The following KYNU variants were observed in gnomAD, a reference collection of about 807,000 sequenced individuals.
KYNU encodes L-kynurenine hydrolase.
Under a neutral mutation model 59.2 loss-of-function variants are expected in KYNU, and 54 were observed. The observed-to-expected ratio is 0.91, with a 90% CI of 0.73 to 1.14. The LOEUF is 1.14. Among genes scored for constraint, KYNU ranks in the 50% most tolerant of loss-of-function variants. KYNU has a pLI of 0.00. For missense variants in KYNU, 567 were observed against 554.4 expected (o/e 1.02, Z -0.23); for synonymous variants, 177 against 192.0 (o/e 0.92, Z 0.65).
chr2:143,033,522 C>T (rs1270605594), intron 12 of KYNU, among the ~76,000 whole-genome samples: 2 of 152,184 alleles, frequency 1.3e-5, no homozygotes, highest in Non-Finnish European at 2.9e-5. Flanking sequence ...CAGCCCCCAG[C>T]ACAATGCTTG....
chr2:142,942,310 A>T (rs1683630399), intron 4 of KYNU, among the ~76,000 whole-genome samples: 2 of 152,198 alleles, frequency 1.3e-5, no homozygotes, highest in Non-Finnish European at 2.9e-5. Context: ...GTTCTGAGAA[A>T]AATTTGATCA....
At chr2:142,895,593 A>C (rs565174446) in intron 2 of KYNU, among the ~76,000 whole-genome samples, 7 of 152,230 alleles carry the variant, frequency 4.6e-5, no homozygotes, top group Non-Finnish European at 1.0e-4. Context: ...ATTCATGTAC[A>C]GGATTTTGTG....
At chr2:142,962,749 C>T (rs139132848) in intron 8 of KYNU, among the ~76,000 whole-genome samples, 370 of 152,260 alleles carry the variant, frequency 2.4e-3, no homozygotes, top group African/African-American at 8.6e-3. Flanking sequence ...GGGGATATAG[C>T]AGATGTAGAT....
intron 2 of KYNU, among the ~76,000 whole-genome samples, chr2:142,908,297 AT>A (rs1369933034): frequency 1.3e-5 from 2 of 152,206 alleles, no homozygotes; most frequent in African/African-American, 4.8e-5. Context: ...ATTTTAAAAT[AT>A]TTAAAATGAA....
chr2:142,993,417 C>A (rs905089433), intron 10 of KYNU, among the ~76,000 whole-genome samples: 1 of 151,966 alleles, frequency 6.6e-6, no homozygotes, highest in Non-Finnish European at 1.5e-5. Context: ...GCTCTCCCTT[C>A]GCTCTGGGAA....
chr2:142,985,909 TTAAG>T (rs1406536319), intron 9 of KYNU, 35 bp from the exon 10 acceptor site: 1 of 1,379,284 alleles, frequency 7.3e-7, no homozygotes, highest in African/African-American at 1.4e-5. Flanking sequence ...TGTCATATAT[TTAAG>T]TAAACCCACA....
intron 12 of KYNU, among the ~76,000 whole-genome samples, chr2:143,039,168 C>T (rs531829818): frequency 6.6e-6 from 1 of 152,142 alleles, no homozygotes; most frequent in Non-Finnish European, 1.5e-5. Context: ...AGAAACCAAG[C>T]CCAAATGCTT....
intron 7 of KYNU, chr2:142,957,977 C>T (rs917490700): frequency 1.1e-5 from 4 of 373,162 alleles, no homozygotes; most frequent in African/African-American, 6.3e-5. Context: ...CTGCCATATT[C>T]TTCAATGGGA....
At chr2:143,007,069 C>G (rs1205005377) in intron 10 of KYNU, among the ~76,000 whole-genome samples, 3 of 152,016 alleles carry the variant, frequency 2.0e-5, no homozygotes, top group African/African-American at 4.8e-5. Context: ...ATGACTTTGA[C>G]GAGCTGAGAG....
chr2:143,039,897 G>A (rs1573923484), intron 12 of KYNU, among the ~76,000 whole-genome samples: 1 of 152,074 alleles, frequency 6.6e-6, no homozygotes, highest in Admixed American at 6.6e-5. Flanking sequence ...AAACTTGTTT[G>A]TAGAGGCCTG....
chr2:143,030,742 C>G (rs1395013924), intron 11 of KYNU, among the ~76,000 whole-genome samples: 3 of 151,934 alleles, frequency 2.0e-5, no homozygotes, highest in African/African-American at 4.8e-5. Flanking sequence ...TATAGGTGCT[C>G]TTTGACTTAC....
intron 10 of KYNU, among the ~76,000 whole-genome samples, chr2:142,988,532 G>A: frequency 6.6e-6 from 1 of 151,886 alleles, no homozygotes; most frequent in East Asian, 1.9e-4. Context: ...TTAGTGGGTT[G>A]AATGAGATCT....
intron 10 of KYNU, among the ~76,000 whole-genome samples, chr2:142,988,032 A>G (rs911995130): frequency 1.3e-5 from 2 of 151,918 alleles, no homozygotes; most frequent in African/African-American, 4.8e-5. Context: ...CTGCAAAACC[A>G]TGAACAAATT....
At chr2:142,893,617 G>C (rs748430353) in intron 2 of KYNU, among the ~76,000 whole-genome samples, 6 of 152,016 alleles carry the variant, frequency 3.9e-5, no homozygotes, top group Non-Finnish European at 7.4e-5. Flanking sequence ...CTTTTTTCAA[G>C]CAAGGTGGGG....
chr2:142,909,702 T>C (rs546248089), intron 2 of KYNU, among the ~76,000 whole-genome samples: 8 of 152,342 alleles, frequency 5.3e-5, no homozygotes, highest in Admixed American at 4.6e-4. Context: ...CAATCCACCA[T>C]TGAAAGGCAT....
chr2:142,924,935 A>G (rs535640924), intron 3 of KYNU, among the ~76,000 whole-genome samples: 3 of 152,326 alleles, frequency 2.0e-5, no homozygotes, highest in African/African-American at 7.2e-5. Context: ...CTAGTGGGCT[A>G]ACAAAATGAA....
At position 142,966,712 on chromosome 2, in the gene KYNU, T is replaced by G. The variant is rs16855215; in HGVS notation, c.729+5942T>G. On this transcript the variant is annotated intron_variant, in intron 8 of 13. Coordinates refer to ENST00000264170, the MANE Select transcript of KYNU (RefSeq NM_003937.3). Reference sequence around the variant, plus strand: ...TACTAATGTGAGTTATTTTGTCCATTTAACAAATTAGGAAAATAATCGTGC... The same window carrying G: ...TACTAATGTGAGTTATTTTGTCCATGTAACAAATTAGGAAAATAATCGTGC... 2.6e-3 allele frequency among the ~76,000 whole-genome samples: 399 copies of G among 152,250 alleles called. 8 individuals carry two copies. The East Asian group carries it at 0.043, about 16-fold the overall frequency.
At position 142,895,909 on chromosome 2, in the gene KYNU, A is replaced by G. The variant is rs141372055; in HGVS notation, c.169+10373A>G. On this transcript the variant is annotated intron_variant, in intron 2 of 13. Coordinates refer to ENST00000264170, the MANE Select transcript of KYNU (RefSeq NM_003937.3). ...TGTGTTGCCTAGTCTAATCTTGAAC[A>G]AAGCTCAAGCAGTCCTTATTCCTTG... Among the ~76,000 whole-genome samples the G allele has an allele frequency of 7.6e-3, 1,158 of 152,266 alleles. 7 individuals carry two copies. The highest frequency in any genetic ancestry group is 0.027 in the African/African-American group (1,111 of 41,550).
intron 10 of KYNU, among the ~76,000 whole-genome samples, chr2:143,027,335 T>C (rs1315949509): frequency 6.6e-6 from 1 of 152,242 alleles, no homozygotes; most frequent in Admixed American, 6.5e-5. Context: ...GTGGTTGATT[T>C]CCTTTTCTTT....
Sources: gnomAD v4.1 joint callset for allele counts (sites outside exome capture counted in the v4.1 genomes callset) on GRCh38, gnomAD v4.1.1 for gene constraint, MANE v1.5 for transcripts, NCBI Gene and HGNC (gene_info 2026-07-23, HGNC 2026-07-21) for gene names.